Variants in SPAST observed in about 807,000 individuals in gnomAD.
SPAST encodes the protein spastic paraplegia 4 (autosomal dominant; spastin).
In SPAST, 30 loss-of-function variants were observed where a neutral mutation model predicts 76.6. The observed-to-expected ratio is 0.39, with a 90% CI of 0.29 to 0.53. The LOEUF (loss-of-function observed/expected upper bound fraction) is 0.53, where lower values mean the gene tolerates loss of function less well. SPAST is among the 20% of genes least tolerant of loss of function. The pLI is 0.68. For synonymous variants in SPAST, 305 were observed against 281.0 expected (o/e 1.09, Z -0.86); for missense variants, 717 against 770.5 (o/e 0.93, Z 0.82).
At chr2:32,090,872 T>C (rs918457193) in intron 3 of SPAST, among the ~76,000 whole-genome samples, 5 of 152,182 alleles carry the variant, frequency 3.3e-5, no homozygotes, top group African/African-American at 1.2e-4. Flanking sequence ...ATGATTAGAC[T>C]ACTTCCTAGG....
intron 4 of SPAST, among the ~76,000 whole-genome samples, chr2:32,106,158 T>C (rs191313566): frequency 6.6e-6 from 1 of 152,314 alleles, no homozygotes; most frequent in African/African-American, 2.4e-5. Flanking sequence ...GCCTCAGCAA[T>C]GGCAGATGCC....
intron 1 of SPAST, among the ~76,000 whole-genome samples, chr2:32,073,579 C>G (rs899465708): frequency 2.6e-5 from 4 of 152,092 alleles, no homozygotes; most frequent in African/African-American, 9.7e-5. Flanking sequence ...ATCCTCCCAC[C>G]TCACCCCATA....
intron 4 of SPAST, among the ~76,000 whole-genome samples, chr2:32,099,595 A>G (rs1558312672): frequency 6.6e-6 from 1 of 152,158 alleles, no homozygotes; most frequent in South Asian, 2.1e-4. Flanking sequence ...TTTGATACAT[A>G]TAGTATATGG....
intron 1 of SPAST, among the ~76,000 whole-genome samples, chr2:32,067,811 A>G (rs554223669): frequency 2.4e-4 from 36 of 148,966 alleles, no homozygotes; most frequent in Non-Finnish European, 3.7e-4. Flanking sequence ...CAGGCTGGAG[A>G]AATTTCAACA....
At chr2:32,132,710 T>G (rs1023797657) in intron 9 of SPAST, among the ~76,000 whole-genome samples, 6 of 151,974 alleles carry the variant, frequency 3.9e-5, no homozygotes, top group African/African-American at 1.4e-4. Flanking sequence ...CTTTGAAGAC[T>G]TAAAAAGGAA....
intron 7 of SPAST, among the ~76,000 whole-genome samples, chr2:32,116,795 T>C (rs900282465): frequency 6.6e-6 from 1 of 152,098 alleles, no homozygotes; most frequent in African/African-American, 2.4e-5. Flanking sequence ...GAGAGAGATT[T>C]AAAATTAAGA....
intron 16 of SPAST, among the ~76,000 whole-genome samples, chr2:32,153,083 A>G (rs1481016952): frequency 6.6e-6 from 1 of 151,970 alleles, no homozygotes; most frequent in Admixed American, 6.6e-5. Context: ...CTTTTTGGCT[A>G]AAATTTTTCA....
At chr2:32,123,529 A>G (rs1486058589) in intron 7 of SPAST, among the ~76,000 whole-genome samples, 2 of 152,224 alleles carry the variant, frequency 1.3e-5, no homozygotes, top group Non-Finnish European at 2.9e-5. Flanking sequence ...CTGGCAAACT[A>G]AAGTTTATAT....
At chr2:32,128,023 C>T in intron 8 of SPAST, 1 of 223,376 alleles carries the variant, frequency 4.5e-6, no homozygotes. Context: ...TTTAGACAGT[C>T]TTACTCTATC....
rs1244221821 is a variant in SPAST at position 32,064,086 on chromosome 2, C to T, written c.255C>T (p.Ala85=). The part of the protein sequence containing the change: ...FVWLCQRFSR[A]LMAAKRSSGA... ...GGCTCTGCCAGCGCTTCTCCCGCGC[C>T]CTCATGGCAGCCAAGAGGAGCTCCG... The change falls in exon 1 of 17, where the codon GCC becomes GCT. Residue 85 remains alanine, a synonymous_variant. Transcript: ENST00000315285. 4.3e-6 allele frequency: 7 copies of T among 1,611,840 alleles called. No homozygotes were observed. In the East Asian group the frequency reaches 1.6e-4, roughly 36 times the overall value.
intron 7 of SPAST, among the ~76,000 whole-genome samples, chr2:32,116,800 TTAAGA>T (rs1678852324): frequency 2.0e-5 from 3 of 152,110 alleles, no homozygotes; most frequent in African/African-American, 7.2e-5. Flanking sequence ...AGATTTAAAA[TTAAGA>T]TAAGGTACAA....
chr2:32,068,010 G>A (rs558420930), intron 1 of SPAST, among the ~76,000 whole-genome samples: 3 of 143,206 alleles, frequency 2.1e-5, no homozygotes, highest in South Asian at 4.3e-4. Context: ...ACAGAGCCTC[G>A]CTTTGTCGCC....
rs1440932106 is a variant in SPAST at position 32,064,222 on chromosome 2, C to T, written c.391C>T (p.Leu131=). The T allele has an allele frequency of 3.3e-6, 5 of 1,535,732 alleles. No individual in the cohort carries two copies. The highest frequency in any genetic ancestry group is 1.4e-5 in the African/African-American group (1 of 71,980). ...KQAFEYISIA[L]RIDEDEKAGQ... ...GGCCTTCGAGTACATCTCCATTGCC[C>T]TGCGCATCGATGAGGATGAGAAAGG... Residue 131 remains leucine (L), a synonymous_variant, in exon 1 of 17, where the codon CTG becomes TTG. Transcript: ENST00000315285.
intron 4 of SPAST, among the ~76,000 whole-genome samples, chr2:32,112,794 G>A (rs747567850): frequency 7.9e-5 from 12 of 151,930 alleles, no homozygotes; most frequent in South Asian, 4.1e-4. Context: ...TTCTTAAACC[G>A]TATTAAGAGA....
intron 7 of SPAST, among the ~76,000 whole-genome samples, chr2:32,120,532 C>A (rs2148738297): frequency 6.6e-6 from 1 of 150,558 alleles, no homozygotes; most frequent in South Asian, 2.1e-4. Flanking sequence ...AGTCTAATTT[C>A]CACATGGCCA....
intron 2 of SPAST, among the ~76,000 whole-genome samples, chr2:32,088,369 G>T (rs568721742): frequency 1.7e-4 from 26 of 151,740 alleles, no homozygotes; most frequent in Non-Finnish European, 3.4e-4. Flanking sequence ...TTTGGGCCAG[G>T]CACAGTGGCT....
Position 32,086,489 on chromosome 2 carries a change from G to A in SPAST, c.416-1003G>A, listed in dbSNP as rs572816107. Among the ~76,000 whole-genome samples the A allele has an allele frequency of 9.2e-5, 14 of 151,648 alleles. No homozygotes were observed. In the South Asian group the frequency reaches 2.1e-3, roughly 23 times the overall value. On this transcript the variant is annotated intron_variant, in intron 1 of 16. Transcript: ENST00000315285. Reference sequence around the variant, plus strand: ...AAAAAAAAAAAAAATGAGGCCGGGCGCGGTGGCTCACCTCTGTAATCTGAG... The same window carrying A: ...AAAAAAAAAAAAAATGAGGCCGGGCACGGTGGCTCACCTCTGTAATCTGAG...
chr2:32,115,671 A>T, intron 5 of SPAST, 31 bp from the exon 6 acceptor site: 1 of 1,527,868 alleles, frequency 6.5e-7, no homozygotes, highest in Non-Finnish European at 9.0e-7. Flanking sequence ...GTTAGGTTGT[A>T]TTTTCATATT....
chr2:32,110,846 A>C (rs1471897703), intron 4 of SPAST, among the ~76,000 whole-genome samples: 3 of 111,988 alleles, frequency 2.7e-5, no homozygotes, highest in Non-Finnish European at 5.4e-5. Flanking sequence ...TATACTATAT[A>C]GTATATAGAG....
Sources: gnomAD v4.1 joint callset for allele counts (sites outside exome capture counted in the v4.1 genomes callset) on GRCh38, gnomAD v4.1.1 for gene constraint, MANE v1.5 for transcripts, NCBI Gene and HGNC (gene_info 2026-07-23, HGNC 2026-07-21) for gene names.